The following CRYAB variants were observed in gnomAD, a reference collection of about 807,000 sequenced individuals.
CRYAB encodes crystallin alpha B, also known as alpha-crystallin B chain.
In CRYAB, 9 loss-of-function variants were observed where a neutral mutation model predicts 12.7. The ratio of observed to expected loss-of-function variants is 0.71; its 90% confidence interval spans 0.43 to 1.24. CRYAB has a LOEUF of 1.24. Among genes scored for constraint, CRYAB ranks in the 50% most tolerant of loss-of-function variants. CRYAB has a pLI of 0.00. For synonymous variants in CRYAB, 93 were observed against 86.8 expected, an observed-to-expected ratio of 1.07 and a Z score of -0.40; for missense variants, 183 against 226.6, an observed-to-expected ratio of 0.81 and a Z score of 1.24.
At chr11:111,913,411 C>T, upstream of CRYAB, 1 of 1,548,794 alleles carries the variant, frequency 6.5e-7, no homozygotes, top group Non-Finnish European at 8.8e-7. Context: ...CCTCCCTCAT[C>T]CTGCCTCTTG....
At chr11:111,923,062 T>C (rs1965725860) in intron 1 of CRYAB, among the ~76,000 whole-genome samples, 1 of 152,232 alleles carries the variant, frequency 6.6e-6, no homozygotes. Context: ...CCCTAGTCTA[T>C]GTATTTTAGG....
intron 1 of CRYAB, 121 bp from the exon 2 acceptor site, chr11:111,910,570 G>C: frequency 7.8e-7 from 1 of 1,279,674 alleles, no homozygotes; most frequent in Non-Finnish European, 1.1e-6. Context: ...TCTCTTCTCT[G>C]CTTAAAAAAT....
upstream of CRYAB, among the ~76,000 whole-genome samples, chr11:111,916,450 T>C (rs1965599019): frequency 6.6e-6 from 1 of 152,196 alleles, no homozygotes; most frequent in African/African-American, 2.4e-5. Flanking sequence ...CTTGAACTTC[T>C]GGCCTCAAGC....
At chr11:111,912,743 A>T (rs1285431769), upstream of CRYAB, 8 of 826,514 alleles carry the variant, frequency 9.7e-6, no homozygotes, top group Non-Finnish European at 1.4e-5. Context: ...CCTCCTATCG[A>T]GCCCTGGCTC....
chr11:111,910,561 C>T, intron 1 of CRYAB, 112 bp from the exon 2 acceptor site: 1 of 1,320,428 alleles, frequency 7.6e-7, no homozygotes, highest in Non-Finnish European at 1.1e-6. Context: ...ATTCATCCTT[C>T]TCTTCTCTGC....
chr11:111,916,079 A>C (rs1471871295), upstream of CRYAB, among the ~76,000 whole-genome samples: 1 of 152,078 alleles, frequency 6.6e-6, no homozygotes, highest in Non-Finnish European at 1.5e-5. Flanking sequence ...CTTAACCGTT[A>C]TAAATTCCTC....
intron 1 of CRYAB, among the ~76,000 whole-genome samples, chr11:111,920,573 G>C (rs1965677785): frequency 6.6e-6 from 1 of 151,858 alleles, no homozygotes; most frequent in African/African-American, 2.4e-5. Context: ...AGACCAGCCT[G>C]GGCAACATAG....
chr11:111,913,001 C>G, upstream of CRYAB: 1 of 979,304 alleles, frequency 1.0e-6, no homozygotes. Context: ...CGTTGCTGGC[C>G]TCCACCCCAC....
chr11:111,921,548 G>A (rs975604425), intron 1 of CRYAB, among the ~76,000 whole-genome samples: 10 of 152,132 alleles, frequency 6.6e-5, no homozygotes, highest in African/African-American at 2.4e-4. Flanking sequence ...TGTCAGGATT[G>A]AAAAAATAAA....
intron 1 of CRYAB, 127 bp from the exon 2 acceptor site, chr11:111,910,576 A>G (rs782418212): frequency 2.4e-6 from 3 of 1,225,840 alleles, no homozygotes; most frequent in Non-Finnish European, 3.5e-6. Flanking sequence ...CTCTGCTTAA[A>G]AAATCTCCTT....
chr11:111,911,480 G>A (rs1300413082), intron 1 of CRYAB, 44 bp downstream of exon 1: 1 of 1,565,292 alleles, frequency 6.4e-7, no homozygotes, highest in Non-Finnish European at 8.7e-7. Context: ...GTTTCCAGGA[G>A]GTTCCAGTAA....
At chr11:111,910,211 C>T (rs782224435) in intron 2 of CRYAB, 116 bp downstream of exon 2, 36 of 1,294,384 alleles carry the variant, frequency 2.8e-5, no homozygotes, top group Admixed American at 1.2e-4. Context: ...CCCCTGATCC[C>T]GACTGTTATG....
chr11:111,912,948 GCCCCCCACCCCCA>G, upstream of CRYAB: 1 of 1,352,846 alleles, frequency 7.4e-7, no homozygotes, highest in Non-Finnish European at 9.6e-7. Context: ...CCACCCCCTT[GCCCCCCACCCCCA>G]CCCCCTGAAA....
intron 1 of CRYAB, chr11:111,918,969 C>G (rs1555166292): frequency 1.2e-6 from 2 of 1,614,112 alleles, no homozygotes; most frequent in East Asian, 2.2e-5. Context: ...GGAGACAGAG[C>G]GCCATGGGAA....
At chr11:111,910,006 C>A in intron 2 of CRYAB, 1 of 611,764 alleles carries the variant, frequency 1.6e-6, no homozygotes, top group East Asian at 2.7e-5. Flanking sequence ...CTGGAGTATG[C>A]CCGAGCATTA....
upstream of CRYAB, chr11:111,913,533 G>A (rs1555165858): frequency 6.2e-7 from 1 of 1,614,108 alleles, no homozygotes. Flanking sequence ...CAGCAGGGCA[G>A]GGGCCTCCGA....
At chr11:111,913,562 C>T (rs1965541339), upstream of CRYAB, 2 of 1,614,190 alleles carry the variant, frequency 1.2e-6, no homozygotes, top group Non-Finnish European at 1.7e-6. Flanking sequence ...TCAGTGAGGG[C>T]AAGTTCCAGG....
At chr11:111,912,865 C>T (rs1555165758), upstream of CRYAB, 3 of 1,608,872 alleles carry the variant, frequency 1.9e-6, no homozygotes, top group East Asian at 2.2e-5. Flanking sequence ...CCCACCCGGC[C>T]ACCGCCGAGT....
intron 2 of CRYAB, chr11:111,909,786 C>A (rs1555165343): frequency 1.7e-5 from 4 of 236,678 alleles, no homozygotes; most frequent in Non-Finnish European, 3.3e-5. Flanking sequence ...AGAGAAGTCA[C>A]AACTCAAGTG....
Sources: allele counts gnomAD v4.1 joint callset (sites outside exome capture counted in the v4.1 genomes callset), GRCh38; gene constraint gnomAD v4.1.1; transcripts MANE v1.5; gene names NCBI Gene and HGNC (gene_info 2026-07-23, HGNC 2026-07-21).